Variants in ZBTB38 observed in about 807,000 individuals in gnomAD.
ZBTB38 encodes zinc finger and BTB domain containing 38, also known as zinc finger and BTB domain-containing protein 38.
A neutral mutation model predicts 76.8 loss-of-function variants in ZBTB38; 20 were observed. The observed-to-expected ratio is 0.26, with a 90% confidence interval of 0.18 to 0.38. The LOEUF (loss-of-function observed/expected upper bound fraction) is 0.38. Among genes scored for constraint, ZBTB38 ranks in the 10% least tolerant of loss-of-function variants. The probability of loss-of-function intolerance (pLI) is 1.00; values close to 1 mark genes in which losing one functional copy is unlikely to be tolerated. For missense variants in ZBTB38, 1,082 were observed against 1,482.3 expected, an observed-to-expected ratio of 0.73 and a Z score of 4.43; for synonymous variants, 504 against 544.2, an observed-to-expected ratio of 0.93 and a Z score of 1.03.
At chr3:141,371,523 A>G (rs1313504291) in intron 2 of ZBTB38, among the ~76,000 whole-genome samples, 1 of 151,908 alleles carries the variant, frequency 6.6e-6, no homozygotes, top group Non-Finnish European at 1.5e-5. Flanking sequence ...TATTTTTTGT[A>G]GAAACAAGGT....
chr3:141,443,846 A>G lies in ZBTB38; in HGVS notation c.1458A>G (p.Arg486=). 6.2e-7 allele frequency: 1 copy of G among 1,614,120 alleles called. No individual in the cohort carries two copies. Among genetic ancestry groups the G allele is most frequent in the Non-Finnish European group, 8.5e-7 (1 of 1,180,038 alleles). ...ATGCAAATGTTCACTCCTGGAGAAG[A>G]ACATATCCTTGCCATTACTGCAACA... ...RRHANVHSWR[R]TYPCHYCNKV... is the part of the protein sequence containing the mutation. Residue 486 remains arginine, a synonymous_variant, in exon 6 of 6, where the codon AGA becomes AGG. Coordinates refer to ENST00000321464, the MANE Select transcript of ZBTB38 (RefSeq NM_001376113.1). The surrounding 1 kb of genome is among the most constrained non-coding windows in gnomAD (Gnocchi z 5.6).
chr3:141,430,082 T>G (rs2077163243), intron 5 of ZBTB38, among the ~76,000 whole-genome samples: 1 of 152,206 alleles, frequency 6.6e-6, no homozygotes, highest in African/African-American at 2.4e-5. Context: ...TTTGTTTTTT[T>G]GAGACAGAGT....
At chr3:141,438,037 G>A (rs920114302) in intron 5 of ZBTB38, among the ~76,000 whole-genome samples, 3 of 151,660 alleles carry the variant, frequency 2.0e-5, no homozygotes, top group African/African-American at 7.3e-5. Context: ...TCAGCCTCCC[G>A]AGTAGCTGGG....
intron 1 of ZBTB38, among the ~76,000 whole-genome samples, chr3:141,360,345 T>G (rs1318478176): frequency 2.0e-5 from 3 of 152,168 alleles, no homozygotes; most frequent in Admixed American, 6.6e-5. Flanking sequence ...TGTTTCGGCG[T>G]GTGCCTGGAG....
intron 1 of ZBTB38, among the ~76,000 whole-genome samples, chr3:141,357,997 A>C (rs145559216): frequency 6.6e-6 from 1 of 152,028 alleles, no homozygotes; most frequent in African/African-American, 2.4e-5. Context: ...AAGATCATAC[A>C]CTCTAGTGGG....
chr3:141,324,331 A>G (rs916844815), exon 1 of ZBTB38: 1 of 152,188 alleles, frequency 6.6e-6, no homozygotes, highest in African/African-American at 2.4e-5. Flanking sequence ...CCATCTAAAC[A>G]TTCCCACCCA....
rs372888951 is a variant in ZBTB38 at position 141,372,681 on chromosome 3, G to A, written c.-235+2735G>A. 5.3e-5 allele frequency among the ~76,000 whole-genome samples: 8 copies of A among 152,046 alleles called. No individual in the cohort carries two copies. In the East Asian group the frequency reaches 1.3e-3, roughly 26 times the overall value. On this transcript the variant is annotated intron_variant, in intron 2 of 5. Coordinates refer to ENST00000321464, the MANE Select transcript of ZBTB38 (RefSeq NM_001376113.1). ...AAAAAAAAAAAAAGACCAGGTGAATGGGGAATACAGTGCCTGCTAGAAGGG... is the reference window on the plus strand; with the variant it reads ...AAAAAAAAAAAAAGACCAGGTGAATAGGGAATACAGTGCCTGCTAGAAGGG...
intron 4 of ZBTB38, among the ~76,000 whole-genome samples, chr3:141,395,825 C>A (rs906629086): frequency 6.6e-6 from 1 of 152,118 alleles, no homozygotes; most frequent in African/African-American, 2.4e-5. Flanking sequence ...TTTAGTTTCC[C>A]GGTGCATATA....
chr3:141,438,524 C>A (rs1365629205), intron 5 of ZBTB38, among the ~76,000 whole-genome samples: 5 of 152,042 alleles, frequency 3.3e-5, no homozygotes, highest in African/African-American at 1.2e-4. Flanking sequence ...GCCTGGCCCA[C>A]CCCATCCCAC....
rs2081273192 is a variant in ZBTB38 at position 141,448,603 on chromosome 3, T to C, written c.*2627T>C. 6.6e-6 allele frequency: 1 copy of C among 152,270 alleles called. No homozygotes were observed. The highest frequency in any genetic ancestry group is 1.5e-5 in the Non-Finnish European group (1 of 68,038). 9.4% of individuals were successfully genotyped at this position (152,270 alleles called of 1,614,324 possible). A position where few individuals can be genotyped will look rare whatever the true frequency, so the allele number is the denominator to read the frequency against. ...CATCTGTATTTTGGTTAGAAGATATTATTAAATGCAGATGTTAAGGATTGG... is the reference window on the plus strand; with the variant it reads ...CATCTGTATTTTGGTTAGAAGATATCATTAAATGCAGATGTTAAGGATTGG... On this transcript the variant is annotated 3_prime_UTR_variant, in exon 6 of 6. Coordinates refer to ENST00000321464, the MANE Select transcript of ZBTB38 (RefSeq NM_001376113.1).
chr3:141,444,411 G>A lies in ZBTB38; in HGVS notation c.2023G>A (p.Val675Ile), dbSNP rs140391143. 44 of 1,614,044 alleles carry A rather than the reference G, an allele frequency of 2.7e-5. No individual in the cohort carries two copies. In the African/African-American group the frequency reaches 5.2e-4, roughly 19 times the overall value. Reference sequence around the variant, plus strand: ...TAACTTTTATTCAACTGAGGTGTCAGTTTCTTCCACTGAAAATGCTGTCAG... The same window carrying A: ...TAACTTTTATTCAACTGAGGTGTCAATTTCTTCCACTGAAAATGCTGTCAG... Reference protein sequence around the residue: ...DNNFYSTEVSVSSTENAVSSD... With the variant: ...DNNFYSTEVSISSTENAVSSD... The change falls in exon 6 of 6, where the codon GTT becomes ATT. Residue 675 changes from valine (V) to isoleucine (I), a missense_variant. Around this residue, in one of 8 missense-constraint regions of ZBTB38, gnomAD observed 471 missense variants for 581.0 expected, o/e 0.81. Transcript: ENST00000321464. The surrounding 1 kb of genome is among the most constrained non-coding windows in gnomAD (Gnocchi z 5.1).
chr3:141,445,919 A>G lies in ZBTB38; in HGVS notation c.3531A>G (p.Ser1177=), dbSNP rs61732445. 1,486 of 1,606,006 alleles carry G rather than the reference A, an allele frequency of 9.3e-4. 17 individuals carry two copies. The African/African-American group carries it at 0.017, about 19-fold the overall frequency. The change falls in exon 6 of 6, where the codon TCA becomes TCG. Residue 1177 remains serine (S), a synonymous_variant. Transcript: ENST00000321464. The surrounding 1 kb of genome is among the most constrained non-coding windows in gnomAD (Gnocchi z 6.5). ...NPLENQHFIG[S]EDNDQKDNIQ... is the part of the protein sequence containing the mutation. ...TGGAGAATCAACATTTCATTGGTTC[A>G]GAAGACAATGACCAAAAGGATAACA...
At chr3:141,420,837 A>G (rs949152566) in intron 5 of ZBTB38, among the ~76,000 whole-genome samples, 1 of 152,166 alleles carries the variant, frequency 6.6e-6, no homozygotes, top group Admixed American at 6.5e-5. Flanking sequence ...GTATTTTAAG[A>G]TAGAATTGAT....
chr3:141,361,177 G>A (rs1177475327), intron 1 of ZBTB38, among the ~76,000 whole-genome samples: 1 of 152,186 alleles, frequency 6.6e-6, no homozygotes, highest in Non-Finnish European at 1.5e-5. Context: ...CCCTTACCAC[G>A]AAGCATGAAG....
intron 4 of ZBTB38, among the ~76,000 whole-genome samples, chr3:141,399,134 T>C (rs963289211): frequency 6.6e-5 from 10 of 152,078 alleles, no homozygotes; most frequent in Non-Finnish European, 1.2e-4. Flanking sequence ...TTCCTTTTTT[T>C]TTTTTTAAGT....
At chr3:141,330,053 T>C (rs2148877862) in intron 1 of ZBTB38, among the ~76,000 whole-genome samples, 1 of 152,106 alleles carries the variant, frequency 6.6e-6, no homozygotes, top group Non-Finnish European at 1.5e-5. Flanking sequence ...ATTTTATATA[T>C]ATAAAATAAT....
intron 1 of ZBTB38, among the ~76,000 whole-genome samples, chr3:141,352,186 GA>G (rs879810040): frequency 1.1e-4 from 16 of 152,214 alleles, no homozygotes; most frequent in Non-Finnish European, 2.2e-4. Context: ...AAGTGATAAA[GA>G]AAAATAGAGC....
chr3:141,436,942 A>G (rs1559959832), intron 5 of ZBTB38, among the ~76,000 whole-genome samples: 1 of 152,214 alleles, frequency 6.6e-6, no homozygotes, highest in Non-Finnish European at 1.5e-5. Context: ...TTTGGTCTGC[A>G]GATTTAGAAC....
intron 5 of ZBTB38, among the ~76,000 whole-genome samples, chr3:141,431,098 G>A (rs959991008): frequency 8.6e-5 from 13 of 151,902 alleles, no homozygotes; most frequent in African/African-American, 2.9e-4. Flanking sequence ...CGAGGCAGGA[G>A]GATCATCTGA....
Sources: allele counts gnomAD v4.1 joint callset (sites outside exome capture counted in the v4.1 genomes callset), GRCh38; gene constraint gnomAD v4.1.1; regional missense constraint gnomAD v4.1.1; non-coding constraint Gnocchi (gnomAD v3.1); transcripts MANE v1.5; gene names NCBI Gene and HGNC (gene_info 2026-07-23, HGNC 2026-07-21).